PRKN: variants seen among roughly 807,000 people sequenced by gnomAD.
PRKN encodes E3 ubiquitin-protein ligase parkin.
Under a neutral mutation model 59.5 loss-of-function variants are expected in PRKN, and 56 were observed. The observed-to-expected ratio is 0.94, with a 90% CI of 0.76 to 1.18. PRKN has a LOEUF of 1.18. Ranked by LOEUF, PRKN falls within the 50% of genes most tolerant of loss-of-function variation. PRKN has a pLI of 0.00. For synonymous variants in PRKN, 250 were observed against 222.1 expected, an observed-to-expected ratio of 1.13 and a Z score of -1.12; for missense variants, 657 against 596.4, an observed-to-expected ratio of 1.10 and a Z score of -1.06.
chr6:161,975,085 CTTTT>C (rs769121865), intron 5 of PRKN, among the ~76,000 whole-genome samples: 21 of 124,460 alleles, frequency 1.7e-4, no homozygotes, highest in Admixed American at 4.9e-4. Flanking sequence ...ACATATACTT[CTTTT>C]TTTTTTTTTT....
At chr6:162,239,533 C>T (rs541172819) in intron 3 of PRKN, among the ~76,000 whole-genome samples, 7 of 152,134 alleles carry the variant, frequency 4.6e-5, no homozygotes, top group African/African-American at 1.7e-4. Context: ...GTGATACAAC[C>T]CACTTCCACT....
At chr6:162,486,206 C>T (rs1190668191) in intron 1 of PRKN, among the ~76,000 whole-genome samples, 1 of 152,114 alleles carries the variant, frequency 6.6e-6, no homozygotes, top group Non-Finnish European at 1.5e-5. Flanking sequence ...AGCTGCATTA[C>T]TACTCATACA....
intron 6 of PRKN, among the ~76,000 whole-genome samples, chr6:161,919,263 T>C (rs920765527): frequency 6.6e-6 from 1 of 152,178 alleles, no homozygotes; most frequent in Non-Finnish European, 1.5e-5. Flanking sequence ...AAAGATTACA[T>C]AGCATTTGAT....
chr6:161,619,325 C>CA (rs1454320923), intron 7 of PRKN, among the ~76,000 whole-genome samples: 1 of 127,968 alleles, frequency 7.8e-6, no homozygotes, highest in Admixed American at 8.1e-5. Context: ...TGCTAAGCTG[C>CA]TTTTTTTTTT....
chr6:162,056,704 C>A lies in PRKN; in HGVS notation c.535-2530G>T, dbSNP rs1398620975. On this transcript the variant is annotated intron_variant, in intron 4 of 11. Transcript: ENST00000366898. This position sits in a 1 kb window ranked among gnomAD's most constrained non-coding sequence, Gnocchi z 4.9. ...TTACTGCTACGGGTGGTGTGCAGAG[C>A]CTGAACTGTCTGCACAAACCATGGC... is the stretch of plus-strand genomic sequence containing the variant. 6.6e-6 allele frequency among the ~76,000 whole-genome samples: 1 copy of A among 152,148 alleles called. No homozygotes were observed. The highest frequency in any genetic ancestry group is 2.4e-5 in the African/African-American group (1 of 41,444).
rs1301546088 is a variant in PRKN at position 161,395,892 on chromosome 6, T to C, written c.1084-9015A>G. On this transcript the variant is annotated intron_variant, in intron 9 of 11. Transcript: ENST00000366898. The surrounding 1 kb of genome is among the most constrained non-coding windows in gnomAD (Gnocchi z 5.0). ...GGCCCGCCTGCCAGGAAAGGACTTG[T>C]AATGAATTTAAGCTCAGCGGCTTTA... Among the ~76,000 whole-genome samples the C allele has an allele frequency of 6.6e-6, 1 of 152,178 alleles. No individual in the cohort carries two copies. The highest frequency in any genetic ancestry group is 1.5e-5 in the Non-Finnish European group (1 of 68,026).
intron 2 of PRKN, among the ~76,000 whole-genome samples, chr6:162,440,356 T>C (rs1348261557): frequency 6.6e-6 from 1 of 152,130 alleles, no homozygotes; most frequent in Non-Finnish European, 1.5e-5. Context: ...TTTAAAATTA[T>C]GACATTTCAT....
In PRKN at chr6:161,711,979, GCTC is replaced by G. The variant is rs373950974; in HGVS notation, c.871+73790_871+73792del. 2.7e-3 allele frequency among the ~76,000 whole-genome samples: 409 copies of G among 152,170 alleles called. 1 individual carries two copies. Among genetic ancestry groups the G allele is most frequent in the African/African-American group, 8.5e-3 (354 of 41,532 alleles). On this transcript the variant is annotated intron_variant, in intron 7 of 11. Coordinates refer to ENST00000366898, the MANE Select transcript of PRKN (RefSeq NM_004562.3). ...TGGCCTGATCACCACTGGCTTTTTT[GCTC>G]CTCAACTTGCAGAAGGCCTACCGTG...
At chr6:161,788,622 G>A (rs543575688) in intron 6 of PRKN, among the ~76,000 whole-genome samples, 3 of 144,184 alleles carry the variant, frequency 2.1e-5, no homozygotes, top group South Asian at 4.3e-4. Context: ...CCAGGTAACA[G>A]TGGGTTACCA....
chr6:161,365,249 C>T (rs1050835685), intron 10 of PRKN, among the ~76,000 whole-genome samples: 2 of 152,088 alleles, frequency 1.3e-5, no homozygotes, highest in Non-Finnish European at 2.9e-5. Flanking sequence ...CCCAGCACTC[C>T]CAACCCGTGT....
At chr6:162,249,788 C>T (rs1041468081) in intron 3 of PRKN, among the ~76,000 whole-genome samples, 6 of 152,052 alleles carry the variant, frequency 3.9e-5, no homozygotes, top group African/African-American at 1.5e-4. Flanking sequence ...AAAATAAGGC[C>T]ATGTTTCATC....
chr6:162,502,058 T>C (rs1229117492), intron 1 of PRKN, among the ~76,000 whole-genome samples: 3 of 152,198 alleles, frequency 2.0e-5, no homozygotes, highest in Admixed American at 1.3e-4. Flanking sequence ...TTTTGTTTGT[T>C]AAGCAACATC....
In PRKN at chr6:161,579,659, T is replaced by C. The variant is rs1781264079; in HGVS notation, c.872-10243A>G. On this transcript the variant is annotated intron_variant, in intron 7 of 11. Coordinates refer to ENST00000366898, the MANE Select transcript of PRKN (RefSeq NM_004562.3). This position sits in a 1 kb window ranked among gnomAD's most constrained non-coding sequence, Gnocchi z 4.2. ...TAAGTCATCGGACTTTAGGAATTGA[T>C]GCAATTCCTTAAATGGAGGAATTTC... Among the ~76,000 whole-genome samples the C allele has an allele frequency of 6.6e-6, 1 of 151,992 alleles. No homozygotes were observed. The highest frequency in any genetic ancestry group is 1.5e-5 in the Non-Finnish European group (1 of 68,022).
chr6:162,543,427 C>T (rs1401203222), intron 1 of PRKN, among the ~76,000 whole-genome samples: 4 of 151,870 alleles, frequency 2.6e-5, no homozygotes, highest in Non-Finnish European at 4.4e-5. Context: ...CCCTTTTTTC[C>T]CTCCGAGGCC....
chr6:161,985,464 G>T (rs767746343), intron 5 of PRKN, among the ~76,000 whole-genome samples: 8 of 152,078 alleles, frequency 5.3e-5, no homozygotes, highest in Non-Finnish European at 1.2e-4. Flanking sequence ...ACATATAAAC[G>T]AACATGTGTT....
Position 161,357,241 on chromosome 6 carries a change from G to A in PRKN, c.1285+2847C>T, listed in dbSNP as rs1021148727. Among the ~76,000 whole-genome samples, 3 of 152,060 alleles carry A rather than the reference G, an allele frequency of 2.0e-5. No individual in the cohort carries two copies. Among genetic ancestry groups the A allele is most frequent in the African/African-American group, 7.2e-5 (3 of 41,404 alleles). On this transcript the variant is annotated intron_variant, in intron 11 of 11. Transcript: ENST00000366898. The surrounding 1 kb of genome is among the most constrained non-coding windows in gnomAD (Gnocchi z 5.5). Reference sequence around the variant, plus strand: ...TAACTTTTCTATTTTTAGTGGAGACGGGGTTTCGCCATGTTGGCCAGGCTG... The same window carrying A: ...TAACTTTTCTATTTTTAGTGGAGACAGGGTTTCGCCATGTTGGCCAGGCTG...
intron 6 of PRKN, among the ~76,000 whole-genome samples, chr6:161,959,345 C>T (rs1184084388): frequency 2.0e-5 from 3 of 152,076 alleles, no homozygotes; most frequent in African/African-American, 4.8e-5. Context: ...TTGCAGGCCT[C>T]GGTTCCGACG....
At chr6:161,365,983 T>C (rs1673307237) in intron 10 of PRKN, among the ~76,000 whole-genome samples, 1 of 152,210 alleles carries the variant, frequency 6.6e-6, no homozygotes, top group Non-Finnish European at 1.5e-5. Flanking sequence ...TGTACCCTTA[T>C]CATTTCCTTC....
intron 1 of PRKN, among the ~76,000 whole-genome samples, chr6:162,654,998 AC>A (rs1322800091): frequency 6.6e-6 from 1 of 152,120 alleles, no homozygotes; most frequent in East Asian, 1.9e-4. Flanking sequence ...TTTTAATTAA[AC>A]CCCAATATGA....
Sources: gnomAD v4.1 joint callset for allele counts (sites outside exome capture counted in the v4.1 genomes callset) on GRCh38, gnomAD v4.1.1 for gene constraint, Gnocchi (gnomAD v3.1) non-coding constraint, MANE v1.5 for transcripts, NCBI Gene and HGNC (gene_info 2026-07-23, HGNC 2026-07-21) for gene names.